The following CNTNAP2 variants were observed in gnomAD, a reference collection of about 807,000 sequenced individuals.
The protein encoded by CNTNAP2 is contactin-associated protein-like 2.
In CNTNAP2, 98 loss-of-function variants were observed where a neutral mutation model predicts 155.2. That is an observed-to-expected ratio of 0.63 (90% CI 0.54 to 0.75). CNTNAP2 has a LOEUF of 0.75. Among genes scored for constraint, CNTNAP2 ranks in the 30% least tolerant of loss-of-function variants. The pLI is 0.00. For synonymous variants in CNTNAP2, 651 were observed against 631.2 expected, an observed-to-expected ratio of 1.03 and a Z score of -0.47; for missense variants, 1,727 against 1,688.1, an observed-to-expected ratio of 1.02 and a Z score of -0.40.
At chr7:147,590,734 T>G (rs1337430991) in intron 12 of CNTNAP2, among the ~76,000 whole-genome samples, 1 of 152,178 alleles carries the variant, frequency 6.6e-6, no homozygotes, top group Non-Finnish European at 1.5e-5. Context: ...AAGCAAGTCA[T>G]GATAGGTATT....
intron 8 of CNTNAP2, among the ~76,000 whole-genome samples, chr7:147,290,126 A>G (rs1805268818): frequency 6.6e-6 from 1 of 152,198 alleles, no homozygotes; most frequent in Admixed American, 6.5e-5. Context: ...CTCTGATCAC[A>G]ATATTTGCAC....
At chr7:147,836,155 GGTTT>G (rs1186775926) in intron 13 of CNTNAP2, among the ~76,000 whole-genome samples, 7 of 152,096 alleles carry the variant, frequency 4.6e-5, no homozygotes, top group Non-Finnish European at 2.9e-5. Context: ...TTGTCCTAGT[GGTTT>G]GTTGTTGTCA....
intron 1 of CNTNAP2, among the ~76,000 whole-genome samples, chr7:146,251,071 G>A (rs1410973270): frequency 6.6e-6 from 1 of 152,130 alleles, no homozygotes; most frequent in Non-Finnish European, 1.5e-5. Context: ...TATGAAATAA[G>A]AGGGTGATAG....
chr7:147,878,068 C>A (rs773022989), intron 13 of CNTNAP2, among the ~76,000 whole-genome samples: 1 of 151,858 alleles, frequency 6.6e-6, no homozygotes, highest in South Asian at 2.1e-4. Flanking sequence ...ATGGTTTTTG[C>A]AGCTATGGTA....
chr7:148,380,555 A>G (rs544542329), intron 21 of CNTNAP2, among the ~76,000 whole-genome samples: 1 of 152,338 alleles, frequency 6.6e-6, no homozygotes, highest in South Asian at 2.1e-4. Flanking sequence ...GACTAGAAAT[A>G]TCAAAAGTCT....
chr7:147,131,695 C>A (rs1303135513), intron 7 of CNTNAP2, among the ~76,000 whole-genome samples: 1 of 151,972 alleles, frequency 6.6e-6, no homozygotes, highest in Non-Finnish European at 1.5e-5. Context: ...AACTTAATAT[C>A]TATCTATCTA....
chr7:147,209,007 GT>G (rs1374125784), intron 8 of CNTNAP2, among the ~76,000 whole-genome samples: 1 of 151,832 alleles, frequency 6.6e-6, no homozygotes, highest in Non-Finnish European at 1.5e-5. Flanking sequence ...TATATAATCT[GT>G]TTGTTTTTAT....
At chr7:147,391,509 A>G (rs1796718224) in intron 9 of CNTNAP2, among the ~76,000 whole-genome samples, 1 of 152,116 alleles carries the variant, frequency 6.6e-6, no homozygotes, top group Non-Finnish European at 1.5e-5. Flanking sequence ...TAGTTATCTT[A>G]AAAATGAATG....
In CNTNAP2 at chr7:147,357,862, C is replaced by G. The variant is rs1796089939; in HGVS notation, c.1499-37747C>G. ...AAGCTTCTACGTTCCTTGGAAAGAC[C>G]CCTGAGAGATACTTAACCAGTTGCC... On this transcript the variant is annotated intron_variant, in intron 9 of 23. Transcript: ENST00000361727. Among the ~76,000 whole-genome samples, 3 of 151,974 alleles carry G rather than the reference C, an allele frequency of 2.0e-5. No individual in the cohort carries two copies. In the South Asian group the frequency reaches 6.3e-4, roughly 32 times the overall value.
At chr7:147,532,870 C>G (rs948649344) in intron 11 of CNTNAP2, among the ~76,000 whole-genome samples, 1 of 152,168 alleles carries the variant, frequency 6.6e-6, no homozygotes, top group Non-Finnish European at 1.5e-5. Context: ...AATTACCTCC[C>G]CCTGAGTTCC....
chr7:146,263,281 GGAAGGA>G (rs202007785), intron 1 of CNTNAP2, among the ~76,000 whole-genome samples: 2,762 of 146,548 alleles, frequency 0.019, 109 homozygotes, highest in African/African-American at 0.072. Context: ...GAGGGAGGAA[GGAAGGA>G]AGGAAGGAAG....
intron 8 of CNTNAP2, among the ~76,000 whole-genome samples, chr7:147,211,117 G>A (rs1321630155): frequency 6.6e-6 from 1 of 151,592 alleles, no homozygotes; most frequent in Non-Finnish European, 1.5e-5. Flanking sequence ...ATAGTTGATA[G>A]GTGATGTATT....
chr7:147,314,849 A>G (rs970337274), intron 9 of CNTNAP2, among the ~76,000 whole-genome samples: 1 of 151,174 alleles, frequency 6.6e-6, no homozygotes, highest in Non-Finnish European at 1.5e-5. Context: ...GTAGAAAAAA[A>G]TGTTGGAAGA....
intron 1 of CNTNAP2, among the ~76,000 whole-genome samples, chr7:146,184,200 A>G (rs902915659): frequency 1.3e-5 from 2 of 152,118 alleles, no homozygotes; most frequent in Non-Finnish European, 2.9e-5. Context: ...GAACTTTGCA[A>G]CTCTCATAGT....
chr7:148,154,823 G>A (rs1403319508), intron 17 of CNTNAP2, among the ~76,000 whole-genome samples: 2 of 152,034 alleles, frequency 1.3e-5, no homozygotes, highest in African/African-American at 4.8e-5. Context: ...TGTAATCCCA[G>A]CTACTTGGGA....
chr7:147,754,285 A>G (rs1016075170), intron 13 of CNTNAP2, among the ~76,000 whole-genome samples: 1 of 152,246 alleles, frequency 6.6e-6, no homozygotes, highest in African/African-American at 2.4e-5. Context: ...CTGCTAAGGC[A>G]CCAATTCATC....
chr7:146,613,796 A>G (rs1247592101), intron 1 of CNTNAP2, among the ~76,000 whole-genome samples: 2 of 152,168 alleles, frequency 1.3e-5, no homozygotes, highest in Non-Finnish European at 2.9e-5. Flanking sequence ...TTCCAAAATA[A>G]AAAGTATAAA....
intron 16 of CNTNAP2, among the ~76,000 whole-genome samples, chr7:148,128,329 A>C (rs1048459114): frequency 2.0e-5 from 3 of 152,330 alleles, no homozygotes; most frequent in Admixed American, 1.3e-4. Flanking sequence ...ATTACTATAC[A>C]TAAGAAAAAA....
At chr7:148,027,940 T>C (rs1024966055) in intron 15 of CNTNAP2, among the ~76,000 whole-genome samples, 16 of 152,182 alleles carry the variant, frequency 1.1e-4, no homozygotes, top group African/African-American at 3.6e-4. Context: ...AGAAGTCACC[T>C]TCCATTCTCT....
Sources: gnomAD v4.1 joint callset for allele counts (sites outside exome capture counted in the v4.1 genomes callset) on GRCh38, gnomAD v4.1.1 for gene constraint, MANE v1.5 for transcripts, NCBI Gene and HGNC (gene_info 2026-07-23, HGNC 2026-07-21) for gene names.